The following HERC2 variants were observed in gnomAD, a reference collection of about 807,000 sequenced individuals.
The protein encoded by HERC2 is E3 ubiquitin-protein ligase HERC2.
In HERC2, 102 loss-of-function variants were observed where a neutral mutation model predicts 537.7. The ratio of observed to expected loss-of-function variants is 0.19; its 90% CI spans 0.16 to 0.22. The LOEUF (loss-of-function observed/expected upper bound fraction) is 0.22. HERC2 is among the 10% of genes least tolerant of loss of function. The probability of loss-of-function intolerance (pLI) is 1.00; values close to 1 mark genes in which losing one functional copy is unlikely to be tolerated. For synonymous variants in HERC2, 2,224 were observed against 2,466.2 expected (o/e 0.90, Z 2.91); for missense variants, 4,236 against 6,198.2 (o/e 0.68, Z 10.63).
chr15:28,237,284 C>T (rs866774081), intron 25 of HERC2, among the ~76,000 whole-genome samples, 171 bp from the exon 26 acceptor site: 5 of 152,254 alleles, frequency 3.3e-5, no homozygotes, highest in Non-Finnish European at 4.4e-5. Context: ...CAAGTAACAG[C>T]AGATACCACA....
At chr15:28,298,360 G>C (rs1454591546) in intron 3 of HERC2, among the ~76,000 whole-genome samples, 3 of 148,434 alleles carry the variant, frequency 2.0e-5, no homozygotes. Context: ...TCACCATGTT[G>C]GCCAGGCTGG....
rs1156465541 is a variant in HERC2 at position 28,176,592 on chromosome 15, T to C, written c.9522A>G (p.Val3174=). The C allele has an allele frequency of 3.1e-6, 5 of 1,613,958 alleles. No homozygotes were observed. Among genetic ancestry groups the C allele is most frequent in the Non-Finnish European group, 4.2e-6 (5 of 1,179,988 alleles). ...CAAAGTCACCATCACCCCAGGAAAATACCAAACCTAGGTTTAAGAAACACA... is the reference window on the plus strand; with the variant it reads ...CAAAGTCACCATCACCCCAGGAAAACACCAAACCTAGGTTTAAGAAACACA... ...QTLALTDEGL[V]FSWGDGDFGK... is the part of the protein sequence containing the mutation. The change falls in exon 63 of 93, where the codon GTA becomes GTG. Residue 3174 remains valine, a synonymous_variant. Coordinates refer to ENST00000261609, the MANE Select transcript of HERC2 (RefSeq NM_004667.6). This position sits in a 1 kb window ranked among gnomAD's most constrained non-coding sequence, Gnocchi z 5.0.
In HERC2 at chr15:28,265,396, T is replaced by C. The variant is rs1279754412; in HGVS notation, c.1870+222A>G. Among the ~76,000 whole-genome samples the C allele has an allele frequency of 6.6e-6, 1 of 152,068 alleles. No homozygotes were observed. The highest frequency in any genetic ancestry group is 1.5e-5 in the Non-Finnish European group (1 of 68,022). ...CAACTCTCATTCTTAAAAAATAAAA[T>C]GCCCACACAGGAACGGCGGCAGCTG... On this transcript the variant is annotated intron_variant, in intron 14 of 92. Transcript: ENST00000261609. This position sits in a 1 kb window ranked among gnomAD's most constrained non-coding sequence, Gnocchi z 4.0.
chr15:28,297,994 T>C (rs1229030190), intron 3 of HERC2, among the ~76,000 whole-genome samples: 1 of 138,592 alleles, frequency 7.2e-6, no homozygotes, highest in Non-Finnish European at 1.5e-5. Flanking sequence ...ACTGTACACG[T>C]CTGTCAGTTA....
chr15:28,168,948 A>G (rs1335283015), intron 66 of HERC2, among the ~76,000 whole-genome samples: 4 of 152,198 alleles, frequency 2.6e-5, no homozygotes, highest in Admixed American at 6.5e-5. Context: ...TGTTTACTGA[A>G]AGCCACATAC....
rs370522424 is a variant in HERC2 at position 28,124,986 on chromosome 15, C to T, written c.12990+20G>A. ...GCACACTTTGCTTGCCCCCGACCCA[C>T]CCAACCTGCCCGGACTCACCTGTGC... On this transcript the variant is annotated intron_variant, in intron 84 of 92. Transcript: ENST00000261609. 6.3e-7 allele frequency: 1 copy of T among 1,579,634 alleles called. No homozygotes were observed. The highest frequency in any genetic ancestry group is 8.7e-7 in the Non-Finnish European group (1 of 1,152,562).
intron 70 of HERC2, among the ~76,000 whole-genome samples, chr15:28,146,879 G>A (rs1158818837): frequency 7.5e-6 from 1 of 133,712 alleles, no homozygotes; most frequent in African/African-American, 3.0e-5. Flanking sequence ...ATGGCACTGA[G>A]AGGCCGGGAA....
chr15:28,314,034 C>G (rs2077015477), intron 2 of HERC2, among the ~76,000 whole-genome samples: 1 of 152,148 alleles, frequency 6.6e-6, no homozygotes, highest in Non-Finnish European at 1.5e-5. Context: ...GAAAACCAGC[C>G]CAGTTTCGCA....
intron 65 of HERC2, among the ~76,000 whole-genome samples, chr15:28,172,151 G>A (rs1374959951): frequency 2.0e-5 from 3 of 150,722 alleles, no homozygotes; most frequent in South Asian, 2.1e-4. Flanking sequence ...AAAAAATAAA[G>A]AGAAACACTA....
intron 2 of HERC2, among the ~76,000 whole-genome samples, chr15:28,317,375 C>G (rs2077117013): frequency 1.3e-5 from 2 of 152,208 alleles, no homozygotes; most frequent in Non-Finnish European, 2.9e-5. Flanking sequence ...AGGCGTGAGC[C>G]ACCGCGCCCA....
chr15:28,142,819 A>G lies in HERC2; in HGVS notation c.11544+8T>C, dbSNP rs575636986. 1.6e-5 allele frequency: 24 copies of G among 1,515,790 alleles called. No individual in the cohort carries two copies. The South Asian group carries it at 2.9e-4, about 18-fold the overall frequency. The allele number at this position is 1,515,790 out of a possible 1,614,324, so 93.9% of individuals were successfully genotyped here. On this transcript the variant is annotated splice_region_variant and intron_variant, in intron 75 of 92. Coordinates refer to ENST00000261609, the MANE Select transcript of HERC2 (RefSeq NM_004667.6). ...TATTGTCACTTTAAAAAAGAAGTGA[A>G]ACATTACCTTAAAGAATGGGCTGTG...
At chr15:28,209,085 T>A (rs1222104261) in intron 44 of HERC2, among the ~76,000 whole-genome samples, 4 of 152,152 alleles carry the variant, frequency 2.6e-5, no homozygotes, top group African/African-American at 9.7e-5. Flanking sequence ...CAAAGATTAC[T>A]GGGTCACTAT....
Position 28,139,896 on chromosome 15 carries a change from T to TA in HERC2, c.12015+1535dup, listed in dbSNP as rs758739007. Among the ~76,000 whole-genome samples, 404 of 125,904 alleles carry TA rather than the reference T, an allele frequency of 3.2e-3. 4 individuals carry two copies. The highest frequency in any genetic ancestry group is 0.01 in the East Asian group (46 of 4,518). The allele number at this position is 125,904 out of a possible 152,430, so 82.6% of individuals were successfully genotyped here. On this transcript the variant is annotated intron_variant, in intron 78 of 92. Coordinates refer to ENST00000261609, the MANE Select transcript of HERC2 (RefSeq NM_004667.6). ...CAATATGGCGAAACCCCATCTCTAC[T>TA]AAAAAAAAAAAAAAAAAAAAGATTA...
chr15:28,166,606 A>G lies in HERC2; in HGVS notation c.10554+1081T>C, dbSNP rs568654817. 5.9e-5 allele frequency among the ~76,000 whole-genome samples: 9 copies of G among 152,330 alleles called. No individual in the cohort carries two copies. The South Asian group carries it at 1.7e-3, about 28-fold the overall frequency. On this transcript the variant is annotated intron_variant, in intron 68 of 92. Coordinates refer to ENST00000261609, the MANE Select transcript of HERC2 (RefSeq NM_004667.6). ...CAGGCAGGGGGAGGGTAGGTGAAAG[A>G]TAAGTCTAGAGCACAGTTGTGCCAG...
rs562771201 is a variant in HERC2 at position 28,235,103 on chromosome 15, T to C, written c.4004-819A>G. Among the ~76,000 whole-genome samples, 142 of 152,192 alleles carry C rather than the reference T, an allele frequency of 9.3e-4. 2 individuals are homozygous for C. Among genetic ancestry groups the C allele is most frequent in the African/African-American group, 3.3e-3 (138 of 41,492 alleles). ...ATTAACGATCTGTGTTATCAAATAC[T>C]GCTCCAAATCCAAGCAATCAAAGCG... On this transcript the variant is annotated intron_variant, in intron 26 of 92. Transcript: ENST00000261609.
At chr15:28,197,550 G>A (rs966382630) in intron 50 of HERC2, among the ~76,000 whole-genome samples, 3 of 152,068 alleles carry the variant, frequency 2.0e-5, no homozygotes, top group Non-Finnish European at 4.4e-5. Flanking sequence ...TAAGGAGTTC[G>A]AGACCAGCCT....
chr15:28,141,056 G>A (rs1400999088), intron 78 of HERC2, among the ~76,000 whole-genome samples: 2 of 151,790 alleles, frequency 1.3e-5, no homozygotes, highest in East Asian at 4.0e-4. Context: ...TGGCCGACAT[G>A]GTGAAAACCT....
chr15:28,142,315 G>A lies in HERC2; in HGVS notation c.11623C>T (p.Arg3875Trp), dbSNP rs1253557984. 3.1e-6 allele frequency: 5 copies of A among 1,614,038 alleles called. No individual in the cohort carries two copies. Among genetic ancestry groups the A allele is most frequent in the East Asian group, 2.2e-5 (1 of 44,902 alleles). ...ACACGGGAGGCCATGCAGTACCTCCGGAACCAGGCCCACTTGTGCGTCTCG... is the reference window on the plus strand; with the variant it reads ...ACACGGGAGGCCATGCAGTACCTCCAGAACCAGGCCCACTTGTGCGTCTCG... ...CAETHKWAWF[R>W]RYCMASRVAV... Residue 3875 changes from arginine to tryptophan, a missense_variant, in exon 76 of 93, where the codon CGG (arginine) becomes TGG (tryptophan). Arg to Trp is a moderately radical substitution (Grantham distance 101). Coordinates refer to ENST00000261609, the MANE Select transcript of HERC2 (RefSeq NM_004667.6).
intron 2 of HERC2, among the ~76,000 whole-genome samples, chr15:28,314,627 C>T (rs372052305): frequency 7.9e-5 from 12 of 152,000 alleles, no homozygotes; most frequent in Admixed American, 7.2e-4. Context: ...GAGGCCAAGG[C>T]GGGCGGATCA....
Sources: allele counts gnomAD v4.1 joint callset (sites outside exome capture counted in the v4.1 genomes callset), GRCh38; gene constraint gnomAD v4.1.1; non-coding constraint Gnocchi (gnomAD v3.1); transcripts MANE v1.5; gene names NCBI Gene and HGNC (gene_info 2026-07-23, HGNC 2026-07-21).